Variants in MAPK8IP1 observed in about 807,000 individuals in gnomAD.
MAPK8IP1 encodes the protein C-Jun-amino-terminal kinase-interacting protein 1.
In MAPK8IP1, 17 loss-of-function variants were observed where a neutral mutation model predicts 72.6. That is an observed-to-expected ratio of 0.23 (90% confidence interval 0.16 to 0.35). The LOEUF is 0.35. Among genes scored for constraint, MAPK8IP1 ranks in the 10% least tolerant of loss-of-function variants. MAPK8IP1 has a pLI of 1.00. For missense variants in MAPK8IP1, 789 were observed against 1,009.7 expected (o/e 0.78, Z 2.96); for synonymous variants, 401 against 443.4 (o/e 0.90, Z 1.20).
At chr11:45,898,654 G>A (rs1218100904) in intron 2 of MAPK8IP1, among the ~76,000 whole-genome samples, 3 of 152,208 alleles carry the variant, frequency 2.0e-5, no homozygotes, top group Non-Finnish European at 2.9e-5. Flanking sequence ...GCTGCTGGCT[G>A]CTATTACACC....
At chr11:45,905,350 C>G in intron 11 of MAPK8IP1, 101 bp downstream of exon 11, 3 of 1,142,898 alleles carry the variant, frequency 2.6e-6, no homozygotes, top group Non-Finnish European at 3.9e-6. Flanking sequence ...CGGTTTCCCC[C>G]GCAGCTCTGG....
chr11:45,901,924 C>G, intron 3 of MAPK8IP1, 56 bp from the exon 4 acceptor site: 1 of 1,395,676 alleles, frequency 7.2e-7, no homozygotes, highest in Non-Finnish European at 1.0e-6. Context: ...CGGGGCCTCC[C>G]TGTGCCGGGC....
intron 1 of MAPK8IP1, chr11:45,897,033 C>T (rs564112278): frequency 8.7e-5 from 126 of 1,452,544 alleles, no homozygotes; most frequent in East Asian, 1.5e-4. Context: ...CTGAATGAGG[C>T]GAGTGGCAGG....
Position 45,895,035 on chromosome 11 carries a change from G to A in MAPK8IP1, c.102-3050G>A, listed in dbSNP as rs118033599. Among the ~76,000 whole-genome samples, 1,472 of 152,344 alleles carry A rather than the reference G, an allele frequency of 9.7e-3. 5 individuals are homozygous for A. Among genetic ancestry groups the A allele is most frequent in the Non-Finnish European group, 0.015 (1,025 of 68,036 alleles). The stretch of plus-strand genomic sequence containing the variant: ...TGCCACGTGCTCCCTCTGAGCACTG[G>A]GTTTGGCACTGGGGAGACACAGTGC... On this transcript the variant is annotated intron_variant, in intron 1 of 11. Coordinates refer to ENST00000241014, the MANE Select transcript of MAPK8IP1 (RefSeq NM_005456.4).
intron 1 of MAPK8IP1, among the ~76,000 whole-genome samples, chr11:45,887,945 G>A (rs1590780775): frequency 6.6e-6 from 1 of 152,356 alleles, no homozygotes; most frequent in African/African-American, 2.4e-5. Flanking sequence ...GTGCTTTCTT[G>A]TGGCTCTTTG....
At position 45,904,632 on chromosome 11, in the gene MAPK8IP1, A is replaced by C; in HGVS notation, c.1776+68A>C. 3.8e-6 allele frequency: 6 copies of C among 1,593,100 alleles called. No homozygotes were observed. Among genetic ancestry groups the C allele is most frequent in the Non-Finnish European group, 1.7e-6 (2 of 1,161,226 alleles). Reference sequence around the variant, plus strand: ...GGGGCAGAGGGACGCAGGTGTCTAGAGGCAGTAAAGGGCTCAGGCCCTGGG... The same window carrying C: ...GGGGCAGAGGGACGCAGGTGTCTAGCGGCAGTAAAGGGCTCAGGCCCTGGG... On this transcript the variant is annotated intron_variant, in intron 8 of 11. Transcript: ENST00000241014. The surrounding 1 kb of genome is among the most constrained non-coding windows in gnomAD (Gnocchi z 6.4).
At chr11:45,894,257 A>G (rs2086586958) in intron 1 of MAPK8IP1, among the ~76,000 whole-genome samples, 1 of 152,200 alleles carries the variant, frequency 6.6e-6, no homozygotes, top group African/African-American at 2.4e-5. Context: ...TGGGGCCAAG[A>G]TGGGGCAGCT....
At position 45,903,042 on chromosome 11, in the gene MAPK8IP1, G is replaced by A. The variant is rs149802084; in HGVS notation, c.1275G>A (p.Ser425=). The A allele has an allele frequency of 6.8e-6, 11 of 1,611,460 alleles. No individual in the cohort carries two copies. Among genetic ancestry groups the A allele is most frequent in the African/African-American group, 6.7e-5 (5 of 74,840 alleles). ...NCASVSSPYE[S]AIGEEYEEAP... is the part of the protein sequence containing the mutation. Reference sequence around the variant, plus strand: ...CCTCCGTCTCCTCGCCCTATGAGTCGGCCATCGGAGAGGAATATGAGGAGG... The same window carrying A: ...CCTCCGTCTCCTCGCCCTATGAGTCAGCCATCGGAGAGGAATATGAGGAGG... Residue 425 remains serine (S), a synonymous_variant, in exon 5 of 12, where the codon TCG becomes TCA. Coordinates refer to ENST00000241014, the MANE Select transcript of MAPK8IP1 (RefSeq NM_005456.4). The surrounding 1 kb of genome is among the most constrained non-coding windows in gnomAD (Gnocchi z 6.4).
chr11:45,888,861 G>A (rs777130465), intron 1 of MAPK8IP1, among the ~76,000 whole-genome samples: 4 of 151,884 alleles, frequency 2.6e-5, no homozygotes, highest in East Asian at 1.9e-4. Context: ...CACCACGCCC[G>A]GCTAATTTTT....
At chr11:45,895,447 C>A (rs561849379) in intron 1 of MAPK8IP1, among the ~76,000 whole-genome samples, 43 of 152,090 alleles carry the variant, frequency 2.8e-4, no homozygotes, top group African/African-American at 9.9e-4. Context: ...TGGTGAAACC[C>A]TGTCTCTACT....
intron 1 of MAPK8IP1, among the ~76,000 whole-genome samples, chr11:45,890,576 A>G (rs1270241372): frequency 1.3e-5 from 2 of 152,046 alleles, no homozygotes; most frequent in Non-Finnish European, 2.9e-5. Context: ...GGTAAGAAGG[A>G]GGGACAGGTT....
rs901976404 is a variant in MAPK8IP1, at chr11:45,903,633, G to A, written c.1493+193G>A. Among the ~76,000 whole-genome samples, 1 of 152,310 alleles carries A rather than the reference G, an allele frequency of 6.6e-6. No individual in the cohort carries two copies. The highest frequency in any genetic ancestry group is 2.1e-4 in the South Asian group (1 of 4,828). Reference sequence around the variant, plus strand: ...GACAAAGAGGATGGCTACAGTGAGGGATCCCAGAACTGTGCACCTAGTCTG... The same window carrying A: ...GACAAAGAGGATGGCTACAGTGAGGAATCCCAGAACTGTGCACCTAGTCTG... On this transcript the variant is annotated intron_variant, in intron 6 of 11. Coordinates refer to ENST00000241014, the MANE Select transcript of MAPK8IP1 (RefSeq NM_005456.4). This position sits in a 1 kb window ranked among gnomAD's most constrained non-coding sequence, Gnocchi z 6.4.
At chr11:45,897,730 T>G (rs1340017466) in intron 1 of MAPK8IP1, among the ~76,000 whole-genome samples, 1 of 152,174 alleles carries the variant, frequency 6.6e-6, no homozygotes, top group Non-Finnish European at 1.5e-5. Context: ...GTCCACATTC[T>G]CCATGGTGAA....
In MAPK8IP1 at chr11:45,902,045, C is replaced by T; in HGVS notation, c.588C>T (p.Ser196=). 6.2e-7 allele frequency: 1 copy of T among 1,614,092 alleles called. No homozygotes were observed. Among genetic ancestry groups the T allele is most frequent in the Admixed American group, 1.7e-5 (1 of 60,028 alleles). Residue 196 remains serine, a synonymous_variant, in exon 4 of 12, where the codon TCC becomes TCT. Transcript: ENST00000241014. The surrounding 1 kb of genome is among the most constrained non-coding windows in gnomAD (Gnocchi z 9.3). The stretch of plus-strand genomic sequence containing the variant: ...GGCAGGATCGGGTGTCTCGATCATC[C>T]TCACCCCTGAAGACAGGTAAGTCAG... ...HSWQDRVSRS[S]SPLKTGEQTP...
intron 1 of MAPK8IP1, chr11:45,896,513 CAGGGGCAT>C: frequency 1.1e-5 from 12 of 1,067,634 alleles, no homozygotes; most frequent in Non-Finnish European, 1.4e-5. Context: ...CAGCCCCCGA[CAGGGGCAT>C]TGGAAGGGCA....
intron 1 of MAPK8IP1, among the ~76,000 whole-genome samples, chr11:45,894,384 C>A (rs1485725242): frequency 6.6e-6 from 1 of 151,108 alleles, no homozygotes; most frequent in Non-Finnish European, 1.5e-5. Context: ...ACAAAGCATC[C>A]CCCTTAACCC....
chr11:45,885,790 T>G lies in MAPK8IP1; in HGVS notation c.-31T>G. 2 of 1,280,594 alleles carry G rather than the reference T, an allele frequency of 1.6e-6. No homozygotes were observed. Among genetic ancestry groups the G allele is most frequent in the Middle Eastern group, 2.8e-4 (1 of 3,592 alleles). 79.3% of individuals were successfully genotyped at this position (1,280,594 alleles called of 1,614,324 possible). On this transcript the variant is annotated 5_prime_UTR_variant, in exon 1 of 12. Transcript: ENST00000241014. The stretch of plus-strand genomic sequence containing the variant: ...AGCCGCCGCCTCCTCCGCGCCGCGC[T>G]CCGCCCGGATGGCCAGGGCTGTGCC...
At position 45,900,679 on chromosome 11, in the gene MAPK8IP1, G is replaced by A. The variant is rs1021702041; in HGVS notation, c.522+227G>A. 1.3e-5 allele frequency among the ~76,000 whole-genome samples: 2 copies of A among 152,222 alleles called. No individual in the cohort carries two copies. The highest frequency in any genetic ancestry group is 2.9e-5 in the Non-Finnish European group (2 of 68,044). On this transcript the variant is annotated intron_variant, in intron 3 of 11. Coordinates refer to ENST00000241014, the MANE Select transcript of MAPK8IP1 (RefSeq NM_005456.4). This position sits in a 1 kb window ranked among gnomAD's most constrained non-coding sequence, Gnocchi z 6.5. ...CTGGCCGGGCTTGGAGCCTTGAGGC[G>A]GGATTGAAGGAGGGAAGGACTGGGG...
chr11:45,905,525 C>A, intron 11 of MAPK8IP1, 124 bp from the exon 12 acceptor site: 1 of 908,546 alleles, frequency 1.1e-6, no homozygotes, highest in Non-Finnish European at 1.8e-6. Context: ...GCCAAGTGGC[C>A]CCAGCCAGAG....
Sources: allele counts gnomAD v4.1 joint callset (sites outside exome capture counted in the v4.1 genomes callset), GRCh38; gene constraint gnomAD v4.1.1; non-coding constraint Gnocchi (gnomAD v3.1); transcripts MANE v1.5; gene names NCBI Gene and HGNC (gene_info 2026-07-23, HGNC 2026-07-21).